The following TIAM1 variants were observed in gnomAD, a reference collection of about 807,000 sequenced individuals.
The protein encoded by TIAM1 is TIAM Rac1 associated GEF 1, also known as rho guanine nucleotide exchange factor TIAM1.
In TIAM1, 65 loss-of-function variants were observed where a neutral mutation model predicts 163.5. That is an observed-to-expected ratio of 0.40 (90% CI 0.33 to 0.49). The LOEUF is 0.49. Ranked by LOEUF, TIAM1 falls within the 20% of genes least tolerant of loss-of-function variation. The pLI is 0.77. For synonymous variants in TIAM1, 833 were observed against 810.1 expected, an observed-to-expected ratio of 1.03 and a Z score of -0.48; for missense variants, 1,789 against 2,044.7, an observed-to-expected ratio of 0.87 and a Z score of 2.41.
intron 2 of TIAM1, among the ~76,000 whole-genome samples, chr21:31,463,262 T>A (rs1468598331): frequency 1.3e-5 from 2 of 152,206 alleles, no homozygotes; most frequent in Non-Finnish European, 2.9e-5. Flanking sequence ...GCAGCCGTGA[T>A]CAACCACTGT....
intron 4 of TIAM1, among the ~76,000 whole-genome samples, chr21:31,259,199 T>C (rs1208238230): frequency 2.1e-5 from 3 of 139,890 alleles, no homozygotes; most frequent in Non-Finnish European, 4.6e-5. Context: ...TACAGTGACA[T>C]GATCATAGCT....
At chr21:31,335,007 C>G (rs148818921) in intron 2 of TIAM1, among the ~76,000 whole-genome samples, 1 of 152,272 alleles carries the variant, frequency 6.6e-6, no homozygotes, top group Non-Finnish European at 1.5e-5. Flanking sequence ...CCCTGCCATG[C>G]CAATGTTTAC....
intron 1 of TIAM1, among the ~76,000 whole-genome samples, chr21:31,505,028 TA>T (rs2046979859): frequency 1.3e-5 from 2 of 151,972 alleles, no homozygotes; most frequent in Non-Finnish European, 2.9e-5. Context: ...ACACCAAAAA[TA>T]AAAAGATACA....
At chr21:31,488,017 T>G (rs2046336132) in intron 1 of TIAM1, among the ~76,000 whole-genome samples, 1 of 152,120 alleles carries the variant, frequency 6.6e-6, no homozygotes, top group Admixed American at 6.5e-5. Context: ...AACACAAAAA[T>G]GTAGGAAGAA....
chr21:31,493,052 G>C (rs2046525902), intron 1 of TIAM1, among the ~76,000 whole-genome samples: 1 of 151,978 alleles, frequency 6.6e-6, no homozygotes, highest in Non-Finnish European at 1.5e-5. Context: ...TCCAGTGCTT[G>C]GAACTGTCTG....
intron 2 of TIAM1, among the ~76,000 whole-genome samples, chr21:31,316,126 G>A (rs2075117095): frequency 6.6e-6 from 1 of 152,044 alleles, no homozygotes; most frequent in East Asian, 1.9e-4. Context: ...AAGATTCTGG[G>A]TTAAACTGGA....
Position 31,395,305 on chromosome 21 carries a change from C to T in TIAM1, c.-368-55883G>A, listed in dbSNP as rs555539222. 3.0e-4 allele frequency among the ~76,000 whole-genome samples: 45 copies of T among 152,052 alleles called. No individual in the cohort carries two copies. Among genetic ancestry groups the T allele is most frequent in the African/African-American group, 8.4e-4 (35 of 41,478 alleles). ...TTGGAGCTCTCTGGAGATGTCACTA[C>T]GTCTCAGGGGGCTACTTCTAGAGAA... On this transcript the variant is annotated intron_variant, in intron 2 of 28. Transcript: ENST00000286827. The surrounding 1 kb of genome is among the most constrained non-coding windows in gnomAD (Gnocchi z 7.5).
intron 2 of TIAM1, among the ~76,000 whole-genome samples, chr21:31,449,535 C>T (rs1002384098): frequency 2.6e-5 from 4 of 151,948 alleles, no homozygotes; most frequent in African/African-American, 9.7e-5. Flanking sequence ...TGCGCCACCA[C>T]ACCCAGCTAA....
intron 2 of TIAM1, among the ~76,000 whole-genome samples, chr21:31,420,464 A>G (rs2043527069): frequency 6.6e-6 from 1 of 152,168 alleles, no homozygotes; most frequent in African/African-American, 2.4e-5. Context: ...TTTGTGAAAA[A>G]CTTTTCCAGT....
rs533417539 is a variant in TIAM1, at chr21:31,428,710, C to A, written c.-369+35273G>T. Among the ~76,000 whole-genome samples, 4 of 151,956 alleles carry A rather than the reference C, an allele frequency of 2.6e-5. No individual in the cohort carries two copies. In the East Asian group the frequency reaches 7.9e-4, roughly 30 times the overall value. ...CCAGCCTGGGAAACATGGCAAAACC[C>A]CACCTCTACAAAAAATACAAAAATT... On this transcript the variant is annotated intron_variant, in intron 2 of 28. Transcript: ENST00000286827.
chr21:31,167,242 C>T (rs1160015449), intron 15 of TIAM1, among the ~76,000 whole-genome samples: 2 of 151,912 alleles, frequency 1.3e-5, no homozygotes, highest in African/African-American at 4.8e-5. Context: ...CAGGTGTGCA[C>T]CACCATGTCC....
At chr21:31,342,163 A>C (rs1394461334) in intron 1 of TIAM1, among the ~76,000 whole-genome samples, 1 of 152,124 alleles carries the variant, frequency 6.6e-6, no homozygotes, top group Non-Finnish European at 1.5e-5. Flanking sequence ...ATTTAAAAAC[A>C]GTCAGATAAG....
At chr21:31,226,307 G>A (rs956858925) in intron 6 of TIAM1, among the ~76,000 whole-genome samples, 4 of 152,114 alleles carry the variant, frequency 2.6e-5, no homozygotes, top group African/African-American at 4.8e-5. Context: ...AGATAGGATC[G>A]GTCAGTTATA....
intron 2 of TIAM1, among the ~76,000 whole-genome samples, chr21:31,290,816 T>C (rs764998000): frequency 2.0e-4 from 31 of 152,272 alleles, no homozygotes; most frequent in Non-Finnish European, 4.0e-4. Flanking sequence ...ATCTACATTT[T>C]AGCCTTATTA....
In TIAM1 at chr21:31,488,463, C is replaced by T. The variant is rs576498442; in HGVS notation, c.-421-24428G>A. On this transcript the variant is annotated intron_variant, in intron 1 of 28. Transcript: ENST00000286827. ...GAAAAGGAAGAGGAGGAAGGGGAAACGGGAGGTGTATTAATCTGCTCTCAC... is the reference window on the plus strand; with the variant it reads ...GAAAAGGAAGAGGAGGAAGGGGAAATGGGAGGTGTATTAATCTGCTCTCAC... Among the ~76,000 whole-genome samples, 41 of 152,166 alleles carry T rather than the reference C, an allele frequency of 2.7e-4. 1 individual carries two copies. The South Asian group carries it at 7.5e-3, about 28-fold the overall frequency.
intron 2 of TIAM1, among the ~76,000 whole-genome samples, chr21:31,424,438 T>G (rs564080625): frequency 2.6e-5 from 4 of 152,114 alleles, no homozygotes; most frequent in Non-Finnish European, 5.9e-5. Flanking sequence ...GTGTAGACGT[T>G]CCATGGAATA....
At position 31,118,612 on chromosome 21, in the gene TIAM1, A is replaced by C. The variant is rs2081890982; in HGVS notation, c.*1756T>G. On this transcript the variant is annotated 3_prime_UTR_variant, in exon 28 of 28. Transcript: ENST00000541036. Reference sequence around the variant, plus strand: ...CAGACTTCCGAGTGTTTTCAGATGGATGTGTTGCACTGGAGCCAGTAAATG... The same window carrying C: ...CAGACTTCCGAGTGTTTTCAGATGGCTGTGTTGCACTGGAGCCAGTAAATG... 4.2e-6 allele frequency: 2 copies of C among 471,314 alleles called. No homozygotes were observed. The highest frequency in any genetic ancestry group is 8.8e-6 in the Non-Finnish European group (2 of 227,134). The allele number at this position is 471,314 out of a possible 1,614,324, so 29.2% of individuals were successfully genotyped here.
chr21:31,256,791 GTAAGACACTGTA>G (rs1336724643), intron 4 of TIAM1, among the ~76,000 whole-genome samples: 6 of 152,118 alleles, frequency 3.9e-5, no homozygotes, highest in African/African-American at 1.4e-4. Context: ...CATCTACTTT[GTAAGACACTGTA>G]TAAGACACTG....
chr21:31,362,445 AATTATT>A lies in TIAM1; in HGVS notation c.-368-23029_-368-23024del, dbSNP rs10634487. 2.5e-3 allele frequency among the ~76,000 whole-genome samples: 361 copies of A among 142,758 alleles called. 1 individual carries two copies. The highest frequency in any genetic ancestry group is 0.018 in the Middle Eastern group (5 of 276). The allele number at this position is 142,758 out of a possible 152,430, so 93.7% of individuals were successfully genotyped here. ...ATCCATTACCCATTAATGCAGTGACAATTATTATTATTATTATTATTATTATTATTA... is the reference window on the plus strand; with the variant it reads ...ATCCATTACCCATTAATGCAGTGACAATTATTATTATTATTATTATTATTA... On this transcript the variant is annotated intron_variant, in intron 2 of 28. Coordinates refer to the TIAM1 transcript ENST00000286827.
Sources: allele counts gnomAD v4.1 joint callset (sites outside exome capture counted in the v4.1 genomes callset), GRCh38; gene constraint gnomAD v4.1.1; non-coding constraint Gnocchi (gnomAD v3.1); transcripts MANE v1.5; gene names NCBI Gene and HGNC (gene_info 2026-07-23, HGNC 2026-07-21).